The following DISC1 variants were observed in gnomAD, a reference collection of about 807,000 sequenced individuals.
The protein encoded by DISC1 is DISC1 scaffold protein.
In DISC1, 57 loss-of-function variants were observed where a neutral mutation model predicts 84.5. That is an observed-to-expected ratio of 0.67 (90% CI 0.55 to 0.84). The LOEUF (loss-of-function observed/expected upper bound fraction) is 0.84, where lower values mean the gene tolerates loss of function less well. Ranked by LOEUF, DISC1 falls within the 40% of genes least tolerant of loss-of-function variation. The pLI, the probability that DISC1 is intolerant of heterozygous loss-of-function variation, is 0.00. For synonymous variants in DISC1, 411 were observed against 415.2 expected (o/e 0.99, Z 0.12); for missense variants, 1,000 against 1,057.8 (o/e 0.95, Z 0.76).
At chr1:231,888,155 G>A (rs992543751) in intron 9 of DISC1, among the ~76,000 whole-genome samples, 2 of 152,168 alleles carry the variant, frequency 1.3e-5, no homozygotes, top group Non-Finnish European at 2.9e-5. Context: ...TACTTGTGGG[G>A]GAAGCAGTGG....
At chr1:231,708,608 T>C (rs990436784) in intron 3 of DISC1, among the ~76,000 whole-genome samples, 1 of 152,208 alleles carries the variant, frequency 6.6e-6, no homozygotes, top group Non-Finnish European at 1.5e-5. Flanking sequence ...GGAAGAATTG[T>C]CACTATCATT....
At chr1:231,846,445 T>C (rs1161129541) in intron 9 of DISC1, among the ~76,000 whole-genome samples, 2 of 152,224 alleles carry the variant, frequency 1.3e-5, no homozygotes, top group Non-Finnish European at 2.9e-5. Flanking sequence ...TGCCACTACA[T>C]AACTGCCAAA....
rs1040287984 is a variant in DISC1, at chr1:232,040,593, G to A, written c.*3762G>A. On this transcript the variant is annotated 3_prime_UTR_variant, in exon 13 of 13. Transcript: ENST00000439617. The stretch of plus-strand genomic sequence containing the variant: ...ATAGTGAACCTAACAGTCAGAGACA[G>A]GCAGCATGCTCTTAACTAGTGCTCT... 1 of 152,194 alleles carries A rather than the reference G, an allele frequency of 6.6e-6. No individual in the cohort carries two copies. Among genetic ancestry groups the A allele is most frequent in the Non-Finnish European group, 1.5e-5 (1 of 68,032 alleles). 9.4% of individuals were successfully genotyped at this position (152,194 alleles called of 1,614,324 possible).
Position 231,771,525 on chromosome 1 carries a change from G to A in DISC1, c.1634+455G>A, listed in dbSNP as rs149738566. 22 of 985,420 alleles carry A rather than the reference G, an allele frequency of 2.2e-5. No individual in the cohort carries two copies. The East Asian group carries it at 1.5e-3, about 66-fold the overall frequency. The allele number at this position is 985,420 out of a possible 1,614,324, so 61.0% of individuals were successfully genotyped here. On this transcript the variant is annotated intron_variant, in intron 6 of 12. Transcript: ENST00000439617. ...CTGGAAGAATGGATTGTTACTGGTAGCTAAAATGTATTGGGTGCTTACCAT... is the reference window on the plus strand; with the variant it reads ...CTGGAAGAATGGATTGTTACTGGTAACTAAAATGTATTGGGTGCTTACCAT...
rs543876809 is a variant in DISC1, at chr1:232,036,845, G to C, written c.*14G>C. ...GCACAAGCCTGAGGAGTGACGGGAT[G>C]GGGGAGGGAGGTGGGCCACCATGTT... On this transcript the variant is annotated 3_prime_UTR_variant, in exon 13 of 13. Coordinates refer to ENST00000439617, the MANE Select transcript of DISC1 (RefSeq NM_018662.3). The C allele has an allele frequency of 7.9e-5, 121 of 1,534,904 alleles. No individual in the cohort carries two copies. The highest frequency in any genetic ancestry group is 1.1e-4 in the Non-Finnish European group (121 of 1,127,340).
At chr1:231,670,542 G>A (rs927492728) in intron 1 of DISC1, 4 of 152,172 alleles carry the variant, frequency 2.6e-5, no homozygotes, top group Non-Finnish European at 5.9e-5. Flanking sequence ...TGGTAAACGA[G>A]GAAGTGCTAT....
chr1:231,909,203 CTA>C (rs201481206), intron 9 of DISC1, among the ~76,000 whole-genome samples: 74,336 of 151,586 alleles, frequency 0.49, 19,372 homozygotes, highest in Non-Finnish European at 0.58. Flanking sequence ...AATTCCAACA[CTA>C]TGCTGAATAG....
chr1:231,666,721 T>A (rs1219060142), intron 1 of DISC1, among the ~76,000 whole-genome samples: 1 of 152,070 alleles, frequency 6.6e-6, no homozygotes, highest in Non-Finnish European at 1.5e-5. Context: ...CCTCGCCAGC[T>A]TGAAGGATAA....
At chr1:231,627,165 T>C (rs1445856610) in intron 1 of DISC1, among the ~76,000 whole-genome samples, 1 of 152,144 alleles carries the variant, frequency 6.6e-6, no homozygotes, top group Non-Finnish European at 1.5e-5. Flanking sequence ...GACCCAGGAC[T>C]GTGCAGCGAT....
chr1:231,901,824 C>T (rs1165760997), intron 9 of DISC1, among the ~76,000 whole-genome samples: 4 of 152,140 alleles, frequency 2.6e-5, no homozygotes, highest in Non-Finnish European at 1.5e-5. Context: ...ACTAGAATCT[C>T]TCTCTGTCAG....
chr1:231,685,946 C>T (rs2064217762), intron 1 of DISC1, among the ~76,000 whole-genome samples: 1 of 152,198 alleles, frequency 6.6e-6, no homozygotes, highest in South Asian at 2.1e-4. Flanking sequence ...TTACAGGGCC[C>T]ATGCAAGTCC....
In DISC1 at chr1:231,736,789, T is replaced by G. The variant is rs138419698; in HGVS notation, c.1118-13137T>G. Among the ~76,000 whole-genome samples the G allele has an allele frequency of 4.1e-3, 621 of 152,356 alleles. 4 individuals carry two copies. The highest frequency in any genetic ancestry group is 0.014 in the African/African-American group (586 of 41,578). ...AAAGAAAAATGACTTATGAAGACAT[T>G]GATTGCTTTGTAGCTTTAAAAGACC... On this transcript the variant is annotated intron_variant, in intron 3 of 12. Coordinates refer to ENST00000439617, the MANE Select transcript of DISC1 (RefSeq NM_018662.3).
At chr1:231,952,312 G>A (rs1360202630) in intron 9 of DISC1, among the ~76,000 whole-genome samples, 2 of 151,964 alleles carry the variant, frequency 1.3e-5, no homozygotes, top group East Asian at 1.9e-4. Context: ...CATACTGAAC[G>A]ATGCCCTGAC....
At chr1:231,729,290 C>T (rs866083258) in intron 3 of DISC1, among the ~76,000 whole-genome samples, 24 of 152,090 alleles carry the variant, frequency 1.6e-4, no homozygotes, top group African/African-American at 5.6e-4. Context: ...TGAATAGTGC[C>T]GCAATAAACA....
chr1:231,818,608 G>A (rs1044780939), intron 9 of DISC1, 91 bp downstream of exon 9: 89 of 1,567,844 alleles, frequency 5.7e-5, no homozygotes, highest in Middle Eastern at 5.1e-4. Flanking sequence ...TTATGTGAAC[G>A]TCACTGTGAA....
chr1:231,994,745 C>T (rs2102933897), intron 10 of DISC1, among the ~76,000 whole-genome samples: 1 of 152,252 alleles, frequency 6.6e-6, no homozygotes, highest in South Asian at 2.1e-4. Flanking sequence ...CAAAATGTCC[C>T]TTGTTGTCTG....
At chr1:231,640,992 T>G (rs546544826) in intron 1 of DISC1, among the ~76,000 whole-genome samples, 1 of 152,354 alleles carries the variant, frequency 6.6e-6, no homozygotes, top group South Asian at 2.1e-4. Flanking sequence ...TAACCTACCC[T>G]GTAGTCTGTC....
chr1:231,998,587 T>C (rs1666265308), intron 10 of DISC1, among the ~76,000 whole-genome samples: 1 of 152,230 alleles, frequency 6.6e-6, no homozygotes. Flanking sequence ...TATCAAGTAA[T>C]ATTTTCAAAA....
intron 1 of DISC1, among the ~76,000 whole-genome samples, chr1:231,666,465 G>T (rs545581038): frequency 7.9e-5 from 12 of 152,042 alleles, no homozygotes; most frequent in Admixed American, 7.9e-4. Flanking sequence ...TCTCCCTGGC[G>T]CATAAATAAA....
Sources: allele counts gnomAD v4.1 joint callset (sites outside exome capture counted in the v4.1 genomes callset), GRCh38; gene constraint gnomAD v4.1.1; transcripts MANE v1.5; gene names NCBI Gene and HGNC (gene_info 2026-07-23, HGNC 2026-07-21).